IL1RAPL1: variants seen among roughly 807,000 people sequenced by gnomAD.
IL1RAPL1 encodes the protein interleukin-1 receptor accessory protein-like 1.
IL1RAPL1 carries 3 observed loss-of-function variants against 48.4 expected under a neutral mutation model. That is an observed-to-expected ratio of 0.06 (90% CI 0.03 to 0.16). The LOEUF (loss-of-function observed/expected upper bound fraction) is 0.16. Ranked by LOEUF, IL1RAPL1 falls within the 10% of genes least tolerant of loss-of-function variation. The probability of loss-of-function intolerance (pLI) is 1.00; values close to 1 mark genes in which losing one functional copy is unlikely to be tolerated. For missense variants in IL1RAPL1, 349 were observed against 530.6 expected (o/e 0.66, Z 3.36); for synonymous variants, 185 against 187.7 (o/e 0.99, Z 0.12).
At chrX:29,828,734 A>G (rs1335292645) in intron 6 of IL1RAPL1, among the ~76,000 whole-genome samples, 2 of 111,827 alleles carry the variant, frequency 1.8e-5, no homozygotes. Flanking sequence ...AGACTATTTT[A>G]TAGTTATATG....
chrX:28,626,779 C>T (rs1489231766), intron 1 of IL1RAPL1, among the ~76,000 whole-genome samples: 2 of 112,396 alleles, frequency 1.8e-5, no homozygotes, highest in Admixed American at 9.4e-5. Flanking sequence ...TTCAGACCTT[C>T]GCCTTTTGTT....
intron 3 of IL1RAPL1, among the ~76,000 whole-genome samples, chrX:29,324,401 T>C (rs2147628414): frequency 9.0e-6 from 1 of 111,348 alleles, no homozygotes; most frequent in Admixed American, 9.6e-5. Context: ...TGTAGAACTG[T>C]GATTGGACAA....
intron 3 of IL1RAPL1, among the ~76,000 whole-genome samples, chrX:29,375,064 T>C (rs952307292): frequency 2.8e-5 from 3 of 108,829 alleles, no homozygotes; most frequent in Non-Finnish European, 5.7e-5. Context: ...CAGAGCTTCT[T>C]TTATTTTAAT....
chrX:29,446,335 GAC>G (rs981570940), intron 5 of IL1RAPL1, among the ~76,000 whole-genome samples: 2 of 111,540 alleles, frequency 1.8e-5, no homozygotes, highest in African/African-American at 3.3e-5. Context: ...AAAGATCTTT[GAC>G]AGTCATTTTT....
intron 5 of IL1RAPL1, among the ~76,000 whole-genome samples, chrX:29,516,699 T>C: frequency 9.0e-6 from 1 of 111,537 alleles, no homozygotes; most frequent in Middle Eastern, 4.7e-3. Flanking sequence ...TTTGGGCTGT[T>C]TCCATTTTTT....
At chrX:29,467,781 A>T (rs1172087685) in intron 5 of IL1RAPL1, among the ~76,000 whole-genome samples, 1 of 112,467 alleles carries the variant, frequency 8.9e-6, no homozygotes, top group African/African-American at 3.2e-5. Flanking sequence ...TTTTGAGTAC[A>T]GTGTCCTGTG....
At chrX:29,002,916 TAC>T (rs371924976) in intron 2 of IL1RAPL1, among the ~76,000 whole-genome samples, 84 of 102,620 alleles carry the variant, frequency 8.2e-4, no homozygotes, top group East Asian at 9.3e-4. Context: ...GTTATGTGTG[TAC>T]ACACACACAC....
At chrX:29,428,200 G>A (rs952896362) in intron 5 of IL1RAPL1, among the ~76,000 whole-genome samples, 56 of 111,854 alleles carry the variant, frequency 5.0e-4, no homozygotes, top group Admixed American at 1.5e-3. Context: ...GATGACAATG[G>A]CAGTGCTCAT....
chrX:29,201,412 G>A (rs1930552380), intron 2 of IL1RAPL1, among the ~76,000 whole-genome samples: 2 of 110,435 alleles, frequency 1.8e-5, no homozygotes, highest in African/African-American at 3.3e-5. Context: ...TATAGTCATT[G>A]TAACACATTT....
At chrX:29,622,993 G>A (rs920828278) in intron 5 of IL1RAPL1, among the ~76,000 whole-genome samples, 1 of 109,289 alleles carries the variant, frequency 9.2e-6, no homozygotes, top group African/African-American at 3.3e-5. Flanking sequence ...TCTTGCAGCC[G>A]GGCGCGGTGG....
chrX:29,001,101 G>GT (rs1012713366), intron 2 of IL1RAPL1, among the ~76,000 whole-genome samples: 2 of 110,555 alleles, frequency 1.8e-5, no homozygotes, highest in African/African-American at 6.6e-5. Flanking sequence ...ACCCTGGAAG[G>GT]TTTTCTCCTT....
chrX:28,607,809 T>C (rs1183984683), intron 1 of IL1RAPL1, among the ~76,000 whole-genome samples: 4 of 110,697 alleles, frequency 3.6e-5, no homozygotes, highest in African/African-American at 1.3e-4. Flanking sequence ...TTTATATAGA[T>C]AGTGATCCTT....
chrX:29,584,438 TTTAA>T (rs982251395), intron 5 of IL1RAPL1, among the ~76,000 whole-genome samples: 1 of 111,865 alleles, frequency 8.9e-6, no homozygotes, highest in Non-Finnish European at 1.9e-5. Context: ...CTTCAATTTC[TTTAA>T]TTAATTTATC....
chrX:29,751,568 C>T (rs893700614), intron 6 of IL1RAPL1, among the ~76,000 whole-genome samples: 6 of 111,028 alleles, frequency 5.4e-5, no homozygotes, highest in African/African-American at 1.3e-4. Context: ...AAATATAATA[C>T]GTGTTCTCAA....
At chrX:28,746,179 G>C (rs1256621071) in intron 1 of IL1RAPL1, among the ~76,000 whole-genome samples, 1 of 111,089 alleles carries the variant, frequency 9.0e-6, no homozygotes, top group Non-Finnish European at 1.9e-5. Flanking sequence ...AAAAAAGGAT[G>C]AGTTCATGTC....
At chrX:28,603,902 T>C (rs1054727308) in intron 1 of IL1RAPL1, among the ~76,000 whole-genome samples, 8 of 112,527 alleles carry the variant, frequency 7.1e-5, no homozygotes, top group African/African-American at 2.3e-4. Context: ...GTATATCACA[T>C]GCTCTAAATT....
At position 29,312,223 on chromosome X, in the gene IL1RAPL1, T is replaced by C. The variant is rs778343696; in HGVS notation, c.362+29006T>C. Among the ~76,000 whole-genome samples, 3 of 111,247 alleles carry C rather than the reference T, an allele frequency of 2.7e-5. No individual in the cohort carries two copies. The East Asian group carries it at 8.5e-4, about 31-fold the overall frequency. On this transcript the variant is annotated intron_variant, in intron 3 of 10. Transcript: ENST00000378993. ...GGGAGGCCGAGGAGGGTGGATCGCC[T>C]GAGGTCAGGAGTTGGAGACCAGCCT...
intron 6 of IL1RAPL1, among the ~76,000 whole-genome samples, chrX:29,840,991 A>G (rs1931125273): frequency 8.9e-6 from 1 of 112,328 alleles, no homozygotes; most frequent in Admixed American, 9.4e-5. Context: ...TTTTAAAATA[A>G]AGCTATCCAT....
In IL1RAPL1 at chrX:29,393,096, A is replaced by G. The variant is rs745980312; in HGVS notation, c.363-3162A>G. Among the ~76,000 whole-genome samples, 5 of 111,953 alleles carry G rather than the reference A, an allele frequency of 4.5e-5. No individual in the cohort carries two copies. The East Asian group carries it at 1.1e-3, about 25-fold the overall frequency. ...TACTTTCACCTTATCCTAATAAGGA[A>G]ATGAAAGCCAAAGGAGCCAAGTAAC... On this transcript the variant is annotated intron_variant, in intron 3 of 10. Coordinates refer to ENST00000378993, the MANE Select transcript of IL1RAPL1 (RefSeq NM_014271.4).
Sources: allele counts gnomAD v4.1 joint callset (sites outside exome capture counted in the v4.1 genomes callset), GRCh38; gene constraint gnomAD v4.1.1; transcripts MANE v1.5; gene names NCBI Gene and HGNC (gene_info 2026-07-23, HGNC 2026-07-21).